SLC8B1: variants seen among roughly 807,000 people sequenced by gnomAD.
The protein encoded by SLC8B1 is mitochondrial sodium/calcium exchanger protein.
A neutral mutation model predicts 63.4 loss-of-function variants in SLC8B1; 52 were observed. The observed-to-expected ratio is 0.82, with a 90% CI of 0.66 to 1.03. The LOEUF (loss-of-function observed/expected upper bound fraction) is 1.03. Among genes scored for constraint, SLC8B1 ranks in the 50% least tolerant of loss-of-function variants. SLC8B1 has a pLI of 0.00. For missense variants in SLC8B1, 657 were observed against 741.7 expected (o/e 0.89, Z 1.33); for synonymous variants, 336 against 323.9 (o/e 1.04, Z -0.40).
intron 15 of SLC8B1, chr12:113,302,484 G>C (rs1287801463): frequency 2.8e-6 from 1 of 357,356 alleles, no homozygotes; most frequent in African/African-American, 2.1e-5. Flanking sequence ...CAGCACTAGG[G>C]AACTAACACT....
intron 2 of SLC8B1, among the ~76,000 whole-genome samples, chr12:113,323,315 C>T (rs1956955670): frequency 6.6e-6 from 1 of 152,228 alleles, no homozygotes; most frequent in African/African-American, 2.4e-5. Flanking sequence ...CCTACATACA[C>T]TCCCACCAGG....
Position 113,334,604 on chromosome 12 carries a change from A to G in SLC8B1, c.-244T>C, listed in dbSNP as rs1010418039. On this transcript the variant is annotated 5_prime_UTR_variant, in exon 1 of 16. Transcript: ENST00000680972. ...TGTGTGGCCTTAAGGAAGTCACTTCACCTCTCTGGGCCTCTTATTCCTCAT... is the reference window on the plus strand; with the variant it reads ...TGTGTGGCCTTAAGGAAGTCACTTCGCCTCTCTGGGCCTCTTATTCCTCAT... 4 of 152,162 alleles carry G rather than the reference A, an allele frequency of 2.6e-5. No homozygotes were observed. The highest frequency in any genetic ancestry group is 9.7e-5 in the African/African-American group (4 of 41,414). 9.4% of individuals were successfully genotyped at this position (152,162 alleles called of 1,614,324 possible). A position where few individuals can be genotyped will look rare whatever the true frequency, so the allele number is the denominator to read the frequency against.
At chr12:113,306,834 G>A in intron 13 of SLC8B1, 1 of 536,434 alleles carries the variant, frequency 1.9e-6, no homozygotes, top group Admixed American at 3.1e-5. Context: ...CTACCAGCTG[G>A]GCACAGTGGC....
intron 11 of SLC8B1, among the ~76,000 whole-genome samples, chr12:113,312,547 C>T (rs564975994): frequency 1.7e-4 from 26 of 152,218 alleles, no homozygotes; most frequent in Admixed American, 9.8e-4. Flanking sequence ...GAGGCTGCTG[C>T]TCGGGAGGCT....
At chr12:113,302,779 T>C (rs1325019266) in intron 15 of SLC8B1, 1 of 454,990 alleles carries the variant, frequency 2.2e-6, no homozygotes, top group East Asian at 7.0e-5. Context: ...CCAATGCCTA[T>C]CCTCCTCCCC....
chr12:113,326,853 C>T (rs1056402193), intron 2 of SLC8B1, among the ~76,000 whole-genome samples: 2 of 152,024 alleles, frequency 1.3e-5, no homozygotes, highest in Non-Finnish European at 2.9e-5. Context: ...TACTATCTGG[C>T]TCTTTACAGA....
At chr12:113,306,836 C>T in intron 13 of SLC8B1, 1 of 534,058 alleles carries the variant, frequency 1.9e-6, no homozygotes, top group Non-Finnish European at 3.3e-6. Flanking sequence ...ACCAGCTGGG[C>T]ACAGTGGCTC....
chr12:113,328,208 T>G (rs1957018777), intron 2 of SLC8B1, among the ~76,000 whole-genome samples: 1 of 152,128 alleles, frequency 6.6e-6, no homozygotes, highest in Admixed American at 6.6e-5. Flanking sequence ...TTTAAATTTT[T>G]TGTTGAGAAG....
rs1956658839 is a variant in SLC8B1 at position 113,305,550 on chromosome 12, C to T, written c.1492+945G>A. 6.6e-6 allele frequency among the ~76,000 whole-genome samples: 1 copy of T among 152,262 alleles called. No homozygotes were observed. The highest frequency in any genetic ancestry group is 6.5e-5 in the Admixed American group (1 of 15,288). On this transcript the variant is annotated intron_variant, in intron 14 of 15. Transcript: ENST00000680972. The surrounding 1 kb of genome is among the most constrained non-coding windows in gnomAD (Gnocchi z 4.3). Reference sequence around the variant, plus strand: ...GTTTCAAAGCTCTTTCTCTTCATAGCCCCAGGCTGGCTATATCCGTCTTTT... The same window carrying T: ...GTTTCAAAGCTCTTTCTCTTCATAGTCCCAGGCTGGCTATATCCGTCTTTT...
At chr12:113,317,710 G>C (rs1168558751) in intron 8 of SLC8B1, among the ~76,000 whole-genome samples, 1 of 152,140 alleles carries the variant, frequency 6.6e-6, no homozygotes, top group Non-Finnish European at 1.5e-5. Context: ...TTCTGCTGCT[G>C]AGTGTGTTGT....
At chr12:113,322,899 A>G (rs148190932) in intron 2 of SLC8B1, among the ~76,000 whole-genome samples, 7 of 152,302 alleles carry the variant, frequency 4.6e-5, no homozygotes, top group Non-Finnish European at 1.0e-4. Flanking sequence ...GCAGAGAGCT[A>G]TGATTGTACC....
intron 15 of SLC8B1, chr12:113,302,375 C>A: frequency 3.7e-6 from 1 of 270,342 alleles, no homozygotes; most frequent in Admixed American, 4.7e-5. Flanking sequence ...GGAGGTGGCA[C>A]TGCCCGGCTG....
At chr12:113,306,819 C>A in intron 13 of SLC8B1, 1 of 538,630 alleles carries the variant, frequency 1.9e-6, no homozygotes, top group Non-Finnish European at 3.3e-6. Context: ...GTGTGAAAAA[C>A]GCGGCTACCA....
Position 113,299,383 on chromosome 12 carries a change from A to T in SLC8B1, c.*394T>A. 1 of 238,486 alleles carries T rather than the reference A, an allele frequency of 4.2e-6. No individual in the cohort carries two copies. The highest frequency in any genetic ancestry group is 8.5e-6 in the Non-Finnish European group (1 of 117,606). 14.8% of individuals were successfully genotyped at this position (238,486 alleles called of 1,614,324 possible). ...TCCTGAGAAGGTGCCAGAAGGCCTG[A>T]AGCCCAGGCAAGGGGAACGGGCAGT... On this transcript the variant is annotated 3_prime_UTR_variant, in exon 16 of 16. Coordinates refer to ENST00000680972, the MANE Select transcript of SLC8B1 (RefSeq NM_001358345.2).
Position 113,306,475 on chromosome 12 carries a change from G to C in SLC8B1, c.1492+20C>G. ...GCTGTGACACCAGTGCTAAGGCCAAGAACAGACCACAAAGGATACTGAAGA... is the reference window on the plus strand; with the variant it reads ...GCTGTGACACCAGTGCTAAGGCCAACAACAGACCACAAAGGATACTGAAGA... On this transcript the variant is annotated intron_variant, in intron 14 of 15. Coordinates refer to ENST00000680972, the MANE Select transcript of SLC8B1 (RefSeq NM_001358345.2). 6.2e-7 allele frequency: 1 copy of C among 1,600,786 alleles called. No homozygotes were observed. Among genetic ancestry groups the C allele is most frequent in the Non-Finnish European group, 8.5e-7 (1 of 1,172,210 alleles).
intron 12 of SLC8B1, 104 bp from the exon 13 acceptor site, chr12:113,307,948 A>G: frequency 7.2e-7 from 1 of 1,382,030 alleles, no homozygotes; most frequent in Non-Finnish European, 9.7e-7. Context: ...CTACCTCATG[A>G]GCTTATTATG....
chr12:113,333,200 TGGCCCCCAGCCTGA>T (rs138296383), intron 1 of SLC8B1, among the ~76,000 whole-genome samples: 3,210 of 152,314 alleles, frequency 0.021, 115 homozygotes, highest in East Asian at 0.16. Context: ...CAGTCCCACC[TGGCCCCCAGCCTGA>T]GGCCAGAATG....
intron 2 of SLC8B1, among the ~76,000 whole-genome samples, chr12:113,327,933 G>A (rs1957014639): frequency 7.0e-6 from 1 of 142,846 alleles, no homozygotes; most frequent in Non-Finnish European, 1.5e-5. Context: ...AGCTGAGATT[G>A]CACCATTGCA....
At chr12:113,327,566 T>C (rs1453021028) in intron 2 of SLC8B1, among the ~76,000 whole-genome samples, 1 of 150,978 alleles carries the variant, frequency 6.6e-6, no homozygotes, top group Non-Finnish European at 1.5e-5. Context: ...GTGCCTGTGT[T>C]CCCAGCTACT....
Sources: allele counts gnomAD v4.1 joint callset (sites outside exome capture counted in the v4.1 genomes callset), GRCh38; gene constraint gnomAD v4.1.1; non-coding constraint Gnocchi (gnomAD v3.1); transcripts MANE v1.5; gene names NCBI Gene and HGNC (gene_info 2026-07-23, HGNC 2026-07-21).